SLC14A2: variants seen among roughly 807,000 people sequenced by gnomAD.
SLC14A2 encodes the protein solute carrier family 14 member 2.
In SLC14A2, 91 loss-of-function variants were observed where a neutral mutation model predicts 104.6. The ratio of observed to expected loss-of-function variants is 0.87; its 90% CI spans 0.73 to 1.04. The LOEUF (loss-of-function observed/expected upper bound fraction) is 1.04, where lower values mean the gene tolerates loss of function less well. Ranked by LOEUF, SLC14A2 falls within the 50% of genes least tolerant of loss-of-function variation. SLC14A2 has a pLI of 0.00. For missense variants in SLC14A2, 1,189 were observed against 1,156.0 expected, an observed-to-expected ratio of 1.03 and a Z score of -0.41; for synonymous variants, 476 against 466.4, an observed-to-expected ratio of 1.02 and a Z score of -0.27.
chr18:45,681,643 C>T (rs959588148), intron 19 of SLC14A2, among the ~76,000 whole-genome samples: 1 of 152,196 alleles, frequency 6.6e-6, no homozygotes. Context: ...ACATCTTTGC[C>T]TCTCTCCATC....
intron 2 of SLC14A2, among the ~76,000 whole-genome samples, chr18:45,508,320 G>A (rs1944664431): frequency 6.6e-6 from 1 of 152,146 alleles, no homozygotes; most frequent in African/African-American, 2.4e-5. Context: ...ATGTGTTGTG[G>A]GACGGAACCC....
chr18:45,482,964 T>G (rs2087525175), intron 1 of SLC14A2, among the ~76,000 whole-genome samples: 1 of 152,206 alleles, frequency 6.6e-6, no homozygotes, highest in South Asian at 2.1e-4. Flanking sequence ...GATCCCTGTT[T>G]TGTAAACTAA....
the SLC14A2 span, among the ~76,000 whole-genome samples, chr18:45,193,895 C>A: frequency 6.6e-6 from 1 of 152,062 alleles, no homozygotes; most frequent in East Asian, 1.9e-4. Flanking sequence ...CTCTCAGTAC[C>A]ATTTTGTGTT....
chr18:45,307,845 C>A (rs1032536243), intron 1 of SLC14A2, among the ~76,000 whole-genome samples: 6 of 152,152 alleles, frequency 3.9e-5, no homozygotes, highest in African/African-American at 1.4e-4. Flanking sequence ...CAAATACCTG[C>A]AGCTGAGTAA....
chr18:45,476,772 C>T (rs998729688), intron 1 of SLC14A2, among the ~76,000 whole-genome samples: 18 of 152,098 alleles, frequency 1.2e-4, no homozygotes, highest in African/African-American at 3.4e-4. Flanking sequence ...TTGATCGATT[C>T]GGCTATTGAT....
intron 2 of SLC14A2, among the ~76,000 whole-genome samples, chr18:45,586,350 A>T (rs577639645): frequency 6.6e-6 from 1 of 152,246 alleles, no homozygotes; most frequent in East Asian, 1.9e-4. Flanking sequence ...TGTAGTGAGG[A>T]GTGGGGGAGG....
At chr18:45,624,848 A>T (rs368165705) in intron 2 of SLC14A2, 34 bp downstream of exon 2, 51 of 1,573,588 alleles carry the variant, frequency 3.2e-5, no homozygotes, top group Non-Finnish European at 4.2e-5. Flanking sequence ...GTTTCCTGGG[A>T]GGGAGGGGAT....
At chr18:45,422,432 T>C (rs73953193) in intron 1 of SLC14A2, among the ~76,000 whole-genome samples, 3,184 of 152,082 alleles carry the variant, frequency 0.021, 112 homozygotes, top group African/African-American at 0.073. Flanking sequence ...GTGCCACTCA[T>C]ATAGTATGAA....
chr18:45,413,560 C>G (rs554944142), intron 1 of SLC14A2, among the ~76,000 whole-genome samples: 1 of 152,298 alleles, frequency 6.6e-6, no homozygotes, highest in African/African-American at 2.4e-5. Context: ...GGCACTCTTT[C>G]CTCTCCCTGC....
intron 1 of SLC14A2, among the ~76,000 whole-genome samples, chr18:45,383,783 C>A (rs911911770): frequency 2.0e-5 from 3 of 152,136 alleles, no homozygotes; most frequent in Non-Finnish European, 4.4e-5. Context: ...GGAGAGCAAT[C>A]TGAAAAATAA....
At chr18:45,531,335 A>G (rs1351661420) in intron 2 of SLC14A2, among the ~76,000 whole-genome samples, 13 of 152,144 alleles carry the variant, frequency 8.5e-5, no homozygotes, top group Non-Finnish European at 1.6e-4. Context: ...AAGTGTTCCT[A>G]TTTCTCCACA....
chr18:45,359,105 G>A (rs1430976865), intron 1 of SLC14A2, among the ~76,000 whole-genome samples: 1 of 152,200 alleles, frequency 6.6e-6, no homozygotes, highest in Non-Finnish European at 1.5e-5. Flanking sequence ...AGTCTCTGAA[G>A]TATACCAAGC....
At chr18:45,408,749 G>C (rs1598768431) in intron 1 of SLC14A2, among the ~76,000 whole-genome samples, 3 of 152,066 alleles carry the variant, frequency 2.0e-5, no homozygotes, top group Admixed American at 1.3e-4. Context: ...TGAAGCTGTT[G>C]AAAGTGTGAG....
At chr18:45,477,364 CA>C (rs760696340) in intron 1 of SLC14A2, among the ~76,000 whole-genome samples, 45 of 152,190 alleles carry the variant, frequency 3.0e-4, no homozygotes, top group South Asian at 2.1e-4. Context: ...TGCTTTGTCC[CA>C]GGGGGGTACC....
At chr18:45,559,011 A>G (rs531054350) in intron 2 of SLC14A2, among the ~76,000 whole-genome samples, 1 of 152,088 alleles carries the variant, frequency 6.6e-6, no homozygotes, top group South Asian at 2.1e-4. Flanking sequence ...GGTTGGTCTC[A>G]ATCTCCTGGC....
intron 1 of SLC14A2, among the ~76,000 whole-genome samples, chr18:45,467,637 C>T (rs80304691): frequency 0.02 from 3,115 of 152,224 alleles, 108 homozygotes; most frequent in African/African-American, 0.07. Flanking sequence ...AATAGATATA[C>T]ACTACTGGGA....
chr18:45,281,987 T>C (rs982271748), intron 1 of SLC14A2, among the ~76,000 whole-genome samples: 1 of 152,154 alleles, frequency 6.6e-6, no homozygotes, highest in Admixed American at 6.5e-5. Context: ...TCCTTTCCCA[T>C]GAAGCTGATC....
intron 2 of SLC14A2, among the ~76,000 whole-genome samples, chr18:45,574,115 A>G (rs1435258205): frequency 6.6e-6 from 1 of 152,176 alleles, no homozygotes; most frequent in Non-Finnish European, 1.5e-5. Context: ...GAGAAGAGCG[A>G]ATGGTATTTG....
intron 10 of SLC14A2, among the ~76,000 whole-genome samples, chr18:45,662,871 C>T (rs8087798): frequency 0.037 from 5,633 of 152,160 alleles, 339 homozygotes; most frequent in African/African-American, 0.13. Context: ...TTTCCAATTA[C>T]GAGACCTGGG....
Sources: gnomAD v4.1 joint callset for allele counts (sites outside exome capture counted in the v4.1 genomes callset) on GRCh38, gnomAD v4.1.1 for gene constraint, MANE v1.5 for transcripts, NCBI Gene and HGNC (gene_info 2026-07-23, HGNC 2026-07-21) for gene names.